The following CRISP2 variants were observed in gnomAD, a reference collection of about 807,000 sequenced individuals.
CRISP2 encodes cysteine-rich secretory protein 2.
Under a neutral mutation model 31.7 loss-of-function variants are expected in CRISP2, and 29 were observed. The ratio of observed to expected loss-of-function variants is 0.92; its 90% confidence interval spans 0.68 to 1.25. CRISP2 has a LOEUF of 1.25. Ranked by LOEUF, CRISP2 falls within the 50% of genes most tolerant of loss-of-function variation. CRISP2 has a pLI of 0.00. For missense variants in CRISP2, 318 were observed against 286.5 expected, an observed-to-expected ratio of 1.11 and a Z score of -0.79; for synonymous variants, 111 against 101.4, an observed-to-expected ratio of 1.09 and a Z score of -0.57.
the CRISP2 span, among the ~76,000 whole-genome samples, chr6:49,686,994 A>G: frequency 2.0e-5 from 3 of 152,052 alleles, no homozygotes; most frequent in Non-Finnish European, 4.4e-5. Flanking sequence ...ATAGGTGGGA[A>G]TTGAACAATG....
At chr6:49,690,530 G>A (rs1401368959), downstream of CRISP2, among the ~76,000 whole-genome samples, 1 of 152,040 alleles carries the variant, frequency 6.6e-6, no homozygotes, top group Non-Finnish European at 1.5e-5. Flanking sequence ...CATGAATGTA[G>A]AAGGAAACAC....
At chr6:49,682,603 C>G in the CRISP2 span, among the ~76,000 whole-genome samples, 1 of 62,446 alleles carries the variant, frequency 1.6e-5, no homozygotes, top group African/African-American at 1.1e-4. Flanking sequence ...TTCTTTCTTT[C>G]TTTCTTTCTT....
In CRISP2 at chr6:49,698,384, G is replaced by T; in HGVS notation, c.395C>A (p.Ala132Glu). 1 of 1,613,242 alleles carries T rather than the reference G, an allele frequency of 6.2e-7. No homozygotes were observed. The highest frequency in any genetic ancestry group is 8.5e-7 in the Non-Finnish European group (1 of 1,179,574). Residue 132 changes from alanine to glutamate, a missense_variant, in exon 7 of 10, where the codon GCA becomes GAA. Ala to Glu is a moderately radical substitution (Grantham distance 107). Transcript: ENST00000339139. Reference sequence around the variant, plus strand: ...TACCTGAGTATAATGTCCAACAACTGCATTGGGACTCTTTGGTCCTACACC... The same window carrying T: ...TACCTGAGTATAATGTCCAACAACTTCATTGGGACTCTTTGGTCCTACACC... ...VYGVGPKSPN[A>E]VVGHYTQLVW...
rs147333264 is a variant in CRISP2, at chr6:49,694,414, C to T, written c.604+1422G>A. On this transcript the variant is annotated intron_variant, in intron 9 of 9. Coordinates refer to ENST00000339139, the MANE Select transcript of CRISP2 (RefSeq NM_003296.4). ...TGGGGCAGTGGATTCCTTTTTGGTG[C>T]TATGGTGGGTCTAGAGGCCCACCAA... Among the ~76,000 whole-genome samples, 597 of 152,274 alleles carry T rather than the reference C, an allele frequency of 3.9e-3. 1 individual carries two copies. Among genetic ancestry groups the T allele is most frequent in the African/African-American group, 0.014 (578 of 41,574 alleles).
At chr6:49,693,130 G>T (rs919398708) in intron 9 of CRISP2, among the ~76,000 whole-genome samples, 6 of 152,024 alleles carry the variant, frequency 3.9e-5, no homozygotes. Context: ...TGTCTTAGTT[G>T]AGCTCACTGA....
chr6:49,676,685 G>A, the CRISP2 span, among the ~76,000 whole-genome samples: 2 of 152,068 alleles, frequency 1.3e-5, no homozygotes, highest in Non-Finnish European at 2.9e-5. Flanking sequence ...TAATCACAAG[G>A]CCTTTGAACT....
chr6:49,687,972 C>T (rs1196935360), downstream of CRISP2, among the ~76,000 whole-genome samples: 1 of 152,122 alleles, frequency 6.6e-6, no homozygotes, highest in Non-Finnish European at 1.5e-5. Context: ...TTAGGCACAC[C>T]TGTGTTCACA....
the CRISP2 span, among the ~76,000 whole-genome samples, chr6:49,684,463 C>T: frequency 2.0e-5 from 3 of 152,074 alleles, no homozygotes; most frequent in East Asian, 1.9e-4. Context: ...AATCCATGGA[C>T]GTAGAACTCA....
At chr6:49,705,319 C>T (rs1192417197) in intron 4 of CRISP2, among the ~76,000 whole-genome samples, 1 of 152,094 alleles carries the variant, frequency 6.6e-6, no homozygotes, top group Non-Finnish European at 1.5e-5. Context: ...CTTCACTAAG[C>T]TCCTAGTCAG....
the CRISP2 span, among the ~76,000 whole-genome samples, chr6:49,680,795 T>A: frequency 6.6e-6 from 1 of 152,198 alleles, no homozygotes; most frequent in Non-Finnish European, 1.5e-5. Flanking sequence ...TGCATGAATG[T>A]CTTCTTTTGA....
intron 2 of CRISP2, among the ~76,000 whole-genome samples, 161 bp downstream of exon 2, chr6:49,712,340 A>T (rs1055969291): frequency 6.6e-6 from 1 of 152,060 alleles, no homozygotes; most frequent in Admixed American, 6.5e-5. Context: ...TCTAACCTAT[A>T]CTCATCTTCA....
intron 3 of CRISP2, among the ~76,000 whole-genome samples, chr6:49,709,563 C>G (rs532136992): frequency 6.6e-6 from 1 of 152,318 alleles, no homozygotes; most frequent in South Asian, 2.1e-4. Context: ...CATTCTTCAT[C>G]TCAATTTTTG....
In CRISP2 at chr6:49,692,972, T is replaced by C. The variant is rs1215396422; in HGVS notation, c.605-72A>G. The C allele has an allele frequency of 8.4e-6, 13 of 1,547,148 alleles. No homozygotes were observed. The African/African-American group carries it at 1.2e-4, about 15-fold the overall frequency. On this transcript the variant is annotated intron_variant, in intron 9 of 9. Coordinates refer to ENST00000339139, the MANE Select transcript of CRISP2 (RefSeq NM_003296.4). The stretch of plus-strand genomic sequence containing the variant: ...AGAGCAAAACCATACATTCAAAGTG[T>C]GTGGGGAGGGGGTAGGAGGGAACAA...
rs189135880 is a variant in CRISP2 at position 49,701,791 on chromosome 6, T to C, written c.67-1007A>G. 4.4e-3 allele frequency among the ~76,000 whole-genome samples: 463 copies of C among 106,066 alleles called. 4 individuals carry two copies. The highest frequency in any genetic ancestry group is 0.013 in the African/African-American group (349 of 26,502). 69.6% of individuals were successfully genotyped at this position (106,066 alleles called of 152,430 possible). On this transcript the variant is annotated intron_variant, in intron 4 of 9. Coordinates refer to ENST00000339139, the MANE Select transcript of CRISP2 (RefSeq NM_003296.4). ...TATATGTATGCATTATATATGTATG[T>C]ATGTACACATTATATATGTATACAT...
At position 49,692,402 on chromosome 6, in the gene CRISP2, T is replaced by C. The variant is rs1346747509; in HGVS notation, c.*371A>G. 1 of 158,190 alleles carries C rather than the reference T, an allele frequency of 6.3e-6. No individual in the cohort carries two copies. The highest frequency in any genetic ancestry group is 2.4e-5 in the African/African-American group (1 of 41,722). The allele number at this position is 158,190 out of a possible 1,614,324, so 9.8% of individuals were successfully genotyped here. A position where few individuals can be genotyped will look rare whatever the true frequency, so the allele number is the denominator to read the frequency against. On this transcript the variant is annotated 3_prime_UTR_variant, in exon 10 of 10. Transcript: ENST00000339139. ...ATTTATTGTTTATGCAAGTAAAAAC[T>C]CAGGTAGTAGGAATGGCAATGATGT...
chr6:49,683,397 G>T, the CRISP2 span, among the ~76,000 whole-genome samples: 1 of 150,924 alleles, frequency 6.6e-6, no homozygotes, highest in African/African-American at 2.4e-5. Flanking sequence ...AGAAACAGCC[G>T]GGCGCAGTGG....
rs1472089090 is a variant in CRISP2 at position 49,699,825 on chromosome 6, C to G, written c.250G>C (p.Asp84His). 1 of 1,611,682 alleles carries G rather than the reference C, an allele frequency of 6.2e-7. No individual in the cohort carries two copies. The highest frequency in any genetic ancestry group is 1.1e-5 in the South Asian group (1 of 90,910). ...ATACTGGTTTTGCGGTCCTCTGGAT[C>G]ACTATGTTGTAAAGTGCACTTGTTT... Reference protein sequence around the residue: ...WANKCTLQHSDPEDRKTSTRC... With the variant: ...WANKCTLQHSHPEDRKTSTRC... The change falls in exon 6 of 10, where the codon GAT (aspartate) becomes CAT (histidine). Residue 84 changes from aspartate (D) to histidine (H), a missense_variant. Asp to His is a moderately conservative substitution (Grantham distance 81). Coordinates refer to ENST00000339139, the MANE Select transcript of CRISP2 (RefSeq NM_003296.4).
chr6:49,683,183 T>TAAAC, the CRISP2 span, among the ~76,000 whole-genome samples: 1 of 150,038 alleles, frequency 6.7e-6, no homozygotes, highest in African/African-American at 2.4e-5. Context: ...AATAAATAAA[T>TAAAC]AAATAAATAA....
the CRISP2 span, among the ~76,000 whole-genome samples, chr6:49,679,068 T>C: frequency 5.9e-5 from 9 of 152,212 alleles, no homozygotes; most frequent in Non-Finnish European, 1.3e-4. Flanking sequence ...TTCTGCACAA[T>C]GCACTTTAGA....
Sources: allele counts gnomAD v4.1 joint callset (sites outside exome capture counted in the v4.1 genomes callset), GRCh38; gene constraint gnomAD v4.1.1; transcripts MANE v1.5; gene names NCBI Gene and HGNC (gene_info 2026-07-23, HGNC 2026-07-21).